Variants in CSMD1 observed in about 807,000 individuals in gnomAD.
CSMD1 encodes the protein CUB and Sushi multiple domains 1.
Under a neutral mutation model 417.5 loss-of-function variants are expected in CSMD1, and 213 were observed. That is an observed-to-expected ratio of 0.51 (90% CI 0.46 to 0.57). The LOEUF is 0.57. Among genes scored for constraint, CSMD1 ranks in the 20% least tolerant of loss-of-function variants. The probability of loss-of-function intolerance (pLI) is 0.00; values close to 1 mark genes in which losing one functional copy is unlikely to be tolerated. For synonymous variants in CSMD1, 2,862 were observed against 1,736.8 expected, an observed-to-expected ratio of 1.65 and a Z score of -16.11; for missense variants, 6,923 against 4,529.7, an observed-to-expected ratio of 1.53 and a Z score of -15.17.
At chr8:4,861,307 T>C (rs1005060777) in intron 1 of CSMD1, among the ~76,000 whole-genome samples, 1 of 152,108 alleles carries the variant, frequency 6.6e-6, no homozygotes, top group Non-Finnish European at 1.5e-5. Context: ...ATCGTGAACT[T>C]ACATCCATAT....
intron 25 of CSMD1, among the ~76,000 whole-genome samples, chr8:3,292,881 G>C (rs144549063): frequency 0.072 from 10,942 of 151,308 alleles, 1,127 homozygotes; most frequent in African/African-American, 0.23. Context: ...GATGTTAGCT[G>C]GTTATTTTGC....
intron 4 of CSMD1, among the ~76,000 whole-genome samples, chr8:4,006,273 C>T (rs1189211628): frequency 6.6e-6 from 1 of 152,154 alleles, no homozygotes; most frequent in Non-Finnish European, 1.5e-5. Context: ...GATCATGACT[C>T]TGGAATAAAC....
intron 5 of CSMD1, among the ~76,000 whole-genome samples, chr8:3,837,151 GA>G (rs34295269): frequency 0.37 from 54,457 of 147,052 alleles, 10,404 homozygotes; most frequent in African/African-American, 0.49. Flanking sequence ...GTCACTAAAG[GA>G]AAAAAAAAAA....
chr8:3,411,605 G>A (rs1812704527), intron 12 of CSMD1, among the ~76,000 whole-genome samples: 1 of 150,076 alleles, frequency 6.7e-6, no homozygotes, highest in Non-Finnish European at 1.5e-5. Flanking sequence ...CATCCAGGTT[G>A]CTGCGAATGC....
chr8:4,054,465 A>C (rs893747391), intron 3 of CSMD1, among the ~76,000 whole-genome samples: 1 of 152,120 alleles, frequency 6.6e-6, no homozygotes, highest in African/African-American at 2.4e-5. Context: ...TCTTCTTAGC[A>C]AGAACGACTG....
chr8:4,030,222 G>A (rs180772757), intron 4 of CSMD1, among the ~76,000 whole-genome samples: 79 of 152,214 alleles, frequency 5.2e-4, no homozygotes, highest in African/African-American at 1.7e-3. Flanking sequence ...CCCCAGTAGG[G>A]ACTCTGTGGG....
At chr8:4,957,047 G>T (rs947999134) in intron 1 of CSMD1, among the ~76,000 whole-genome samples, 1 of 152,160 alleles carries the variant, frequency 6.6e-6, no homozygotes, top group African/African-American at 2.4e-5. Flanking sequence ...TCAGGAAGAG[G>T]AAACACATTA....
chr8:4,031,833 T>C (rs1348062074), intron 4 of CSMD1, 72 bp downstream of exon 4: 1 of 1,208,854 alleles, frequency 8.3e-7, no homozygotes, highest in Non-Finnish European at 1.1e-6. Context: ...AAGTGGAAAC[T>C]TTCATAAAAG....
chr8:3,750,425 A>G (rs532893528), intron 6 of CSMD1, among the ~76,000 whole-genome samples: 1 of 151,672 alleles, frequency 6.6e-6, no homozygotes, highest in East Asian at 1.9e-4. Flanking sequence ...AAATAACACA[A>G]TAATGTTTAC....
chr8:4,643,590 G>A (rs984174829), intron 1 of CSMD1, among the ~76,000 whole-genome samples: 2 of 152,110 alleles, frequency 1.3e-5, no homozygotes, highest in Non-Finnish European at 2.9e-5. Flanking sequence ...TTTTATTTAA[G>A]AGCTAAGGAG....
chr8:4,129,248 T>C (rs1012353810), intron 3 of CSMD1, among the ~76,000 whole-genome samples: 1 of 152,144 alleles, frequency 6.6e-6, no homozygotes, highest in African/African-American at 2.4e-5. Flanking sequence ...TCTGAGGATG[T>C]CTCCTGGGGA....
At position 3,284,136 on chromosome 8, in the gene CSMD1, C is replaced by T. The variant is rs757604311; in HGVS notation, c.4153+8G>A. On this transcript the variant is annotated splice_region_variant and intron_variant, in intron 26 of 69. Transcript: ENST00000635120. ...CAAGGTAAAGAAGAAGCACGCTGTG[C>T]CACCTACTGGAGAACTGGATGGAGA... is the stretch of plus-strand genomic sequence containing the variant. The T allele has an allele frequency of 7.7e-6, 12 of 1,553,770 alleles. No individual in the cohort carries two copies. The highest frequency in any genetic ancestry group is 1.2e-5 in the South Asian group (1 of 84,304).
At chr8:4,992,175 C>A (rs1307999196) in intron 1 of CSMD1, among the ~76,000 whole-genome samples, 17 of 152,130 alleles carry the variant, frequency 1.1e-4, no homozygotes, top group Non-Finnish European at 1.9e-4. Context: ...CTGTTCGCCC[C>A]AGAATCATCC....
Position 4,520,838 on chromosome 8 carries a change from G to C in CSMD1, c.303-100773C>G, listed in dbSNP as rs59784819. Among the ~76,000 whole-genome samples, 116 of 152,214 alleles carry C rather than the reference G, an allele frequency of 7.6e-4. No homozygotes were observed. The East Asian group carries it at 0.02, about 26-fold the overall frequency. ...CCCTGTAAGTATAACGTATATACCA[G>C]GTTTCTAAGACTTCTTTTAATAGAC... is the stretch of plus-strand genomic sequence containing the variant. On this transcript the variant is annotated intron_variant, in intron 2 of 69. Coordinates refer to ENST00000635120, the MANE Select transcript of CSMD1 (RefSeq NM_033225.6).
intron 3 of CSMD1, among the ~76,000 whole-genome samples, chr8:4,148,747 C>T (rs369136086): frequency 6.6e-6 from 1 of 152,236 alleles, no homozygotes; most frequent in African/African-American, 2.4e-5. Flanking sequence ...CTCCTAAAGG[C>T]TCCACATCCT....
chr8:3,263,806 A>G (rs1267392274), intron 26 of CSMD1, among the ~76,000 whole-genome samples: 1 of 152,246 alleles, frequency 6.6e-6, no homozygotes, highest in African/African-American at 2.4e-5. Context: ...AAAGACACTA[A>G]TAGTTTTGCT....
chr8:3,884,216 G>A (rs1422606349), intron 5 of CSMD1, among the ~76,000 whole-genome samples: 1 of 152,156 alleles, frequency 6.6e-6, no homozygotes, highest in Non-Finnish European at 1.5e-5. Flanking sequence ...TGTTTAATAA[G>A]CCTTCCATTA....
intron 3 of CSMD1, among the ~76,000 whole-genome samples, chr8:4,273,018 T>G (rs1465685247): frequency 6.6e-6 from 1 of 152,180 alleles, no homozygotes; most frequent in Non-Finnish European, 1.5e-5. Context: ...GTACCTGACA[T>G]TTCTAACTAT....
At chr8:3,485,538 C>CACACACACAGAG (rs376214281) in intron 11 of CSMD1, among the ~76,000 whole-genome samples, 10,421 of 134,698 alleles carry the variant, frequency 0.077, 552 homozygotes, top group African/African-American at 0.15. Context: ...CACACACACA[C>CACACACACAGAG]AGAGAGAGAG....
Sources: gnomAD v4.1 joint callset for allele counts (sites outside exome capture counted in the v4.1 genomes callset) on GRCh38, gnomAD v4.1.1 for gene constraint, MANE v1.5 for transcripts, NCBI Gene and HGNC (gene_info 2026-07-23, HGNC 2026-07-21) for gene names.